SLC6A17: variants seen among roughly 807,000 people sequenced by gnomAD.
SLC6A17 encodes the protein solute carrier family 6 member 17.
A neutral mutation model predicts 64.5 loss-of-function variants in SLC6A17; 21 were observed. The ratio of observed to expected loss-of-function variants is 0.33; its 90% CI spans 0.23 to 0.47. SLC6A17 has a LOEUF of 0.47. Ranked by LOEUF, SLC6A17 falls within the 20% of genes least tolerant of loss-of-function variation. The pLI, the probability that SLC6A17 is intolerant of heterozygous loss-of-function variation, is 1.00. For missense variants in SLC6A17, 682 were observed against 963.2 expected, an observed-to-expected ratio of 0.71 and a Z score of 3.86; for synonymous variants, 372 against 399.5, an observed-to-expected ratio of 0.93 and a Z score of 0.82.
chr1:110,182,830 C>CTAA (rs1025054009), intron 6 of SLC6A17, among the ~76,000 whole-genome samples: 16 of 151,920 alleles, frequency 1.1e-4, no homozygotes, highest in African/African-American at 3.6e-4. Context: ...GAGGACAAAT[C>CTAA]TAATAATAAT....
chr1:110,169,722 A>G (rs930116398), intron 2 of SLC6A17, among the ~76,000 whole-genome samples: 2 of 152,324 alleles, frequency 1.3e-5, no homozygotes, highest in South Asian at 2.1e-4. Context: ...CGCTATTCGG[A>G]TGAACAACTT....
chr1:110,162,913 CAGAG>C (rs896654842), intron 1 of SLC6A17, among the ~76,000 whole-genome samples: 1 of 150,474 alleles, frequency 6.6e-6, no homozygotes, highest in Non-Finnish European at 1.5e-5. Flanking sequence ...AACTGAAGCT[CAGAG>C]AGGCTAGAAA....
At chr1:110,153,271 T>C (rs1047365511) in intron 1 of SLC6A17, among the ~76,000 whole-genome samples, 3 of 152,078 alleles carry the variant, frequency 2.0e-5, no homozygotes, top group Non-Finnish European at 2.9e-5. Flanking sequence ...CTATCCATAA[T>C]AGAATTGAAA....
intron 5 of SLC6A17, 37 bp from the exon 6 acceptor site, chr1:110,176,592 G>T: frequency 1.3e-6 from 2 of 1,593,512 alleles, no homozygotes; most frequent in Non-Finnish European, 1.7e-6. Context: ...CTGCAGGAAG[G>T]GCTCTGCCTG....
intron 1 of SLC6A17, among the ~76,000 whole-genome samples, chr1:110,153,753 A>G (rs1009744959): frequency 6.6e-6 from 1 of 152,204 alleles, no homozygotes; most frequent in African/African-American, 2.4e-5. Context: ...TAAAGCTGCT[A>G]AGATAAGCAG....
chr1:110,167,236 C>T (rs1287053008), intron 2 of SLC6A17, 21 bp downstream of exon 2: 1 of 1,595,788 alleles, frequency 6.3e-7, no homozygotes, highest in Admixed American at 1.7e-5. Flanking sequence ...GCTCTGCCTG[C>T]ATCAGGGGTC....
intron 3 of SLC6A17, 120 bp from the exon 4 acceptor site, chr1:110,173,853 T>G (rs976829520): frequency 1.4e-6 from 2 of 1,440,508 alleles, no homozygotes; most frequent in Non-Finnish European, 1.8e-6. Flanking sequence ...CCTCCTTGCC[T>G]CTCTTGAGGC....
chr1:110,170,105 GA>G (rs1656179275), intron 2 of SLC6A17, among the ~76,000 whole-genome samples: 1 of 152,152 alleles, frequency 6.6e-6, no homozygotes, highest in African/African-American at 2.4e-5. Context: ...GGCATCCATA[GA>G]AGGTGCCAAC....
At chr1:110,195,824 A>C (rs1656949879) in intron 10 of SLC6A17, 79 bp downstream of exon 10, 3 of 1,576,656 alleles carry the variant, frequency 1.9e-6, no homozygotes, top group Non-Finnish European at 1.7e-6. Context: ...CAGATCATAG[A>C]GTCACAATGG....
chr1:110,176,910 A>G (rs1167267724), intron 6 of SLC6A17, among the ~76,000 whole-genome samples, 171 bp downstream of exon 6: 4 of 152,224 alleles, frequency 2.6e-5, no homozygotes, highest in Admixed American at 6.5e-5. Flanking sequence ...CCTGCCCTCC[A>G]GGTTCCAAGG....
chr1:110,188,776 C>T (rs1405014097), intron 6 of SLC6A17, among the ~76,000 whole-genome samples: 1 of 152,226 alleles, frequency 6.6e-6, no homozygotes, highest in Non-Finnish European at 1.5e-5. Context: ...CGGATACTGC[C>T]CTTCTCCTGA....
At position 110,192,015 on chromosome 1, in the gene SLC6A17, C is replaced by T. The variant is rs1213416226; in HGVS notation, c.908C>T (p.Thr303Ile). The part of the protein sequence containing the change: ...LDPQVWREAA[T>I]QVFFALGLGF... ...CCCCAGGTGTGGCGGGAGGCAGCTA[C>T]CCAGGTCTTCTTTGCCTTGGGCCTG... The change falls in exon 7 of 12, where the codon ACC becomes ATC. Residue 303 changes from threonine to isoleucine, a missense_variant. Thr to Ile is a moderately conservative substitution (Grantham distance 89). Around this residue, in one of 3 missense-constraint regions of SLC6A17, gnomAD observed 415 missense variants for 603.8 expected, o/e 0.69. Transcript: ENST00000331565. This position sits in a 1 kb window ranked among gnomAD's most constrained non-coding sequence, Gnocchi z 4.3. 1.2e-6 allele frequency: 2 copies of T among 1,614,130 alleles called. No individual in the cohort carries two copies. Among genetic ancestry groups the T allele is most frequent in the East Asian group, 2.2e-5 (1 of 44,886 alleles).
At chr1:110,163,955 C>T (rs925668226) in intron 1 of SLC6A17, among the ~76,000 whole-genome samples, 1 of 152,132 alleles carries the variant, frequency 6.6e-6, no homozygotes, top group African/African-American at 2.4e-5. Flanking sequence ...CCAGCTTGCT[C>T]CACCCCTCCG....
rs1373187381 is a variant in SLC6A17 at position 110,174,974 on chromosome 1, G to A, written c.753+14G>A. ...TCCTCGGGGAAGGTGAGTGCTGAGG[G>A]GGGCACCCAGGACCCAAATGGGGAA... On this transcript the variant is annotated intron_variant, in intron 5 of 11. Coordinates refer to ENST00000331565, the MANE Select transcript of SLC6A17 (RefSeq NM_001010898.4). 1 of 1,608,620 alleles carries A rather than the reference G, an allele frequency of 6.2e-7. No homozygotes were observed. Among genetic ancestry groups the A allele is most frequent in the Admixed American group, 1.7e-5 (1 of 59,768 alleles).
rs775434453 is a variant in SLC6A17 at position 110,192,097 on chromosome 1, C to T, written c.990C>T (p.His330=). 3.7e-6 allele frequency: 6 copies of T among 1,614,096 alleles called. No homozygotes were observed. Among genetic ancestry groups the T allele is most frequent in the Non-Finnish European group, 5.1e-6 (6 of 1,180,050 alleles). ...ACAATAAGCAGGACAACAACTGCCACTTCGATGCCGCCCTGGTGTCCTTCA... is the reference window on the plus strand; with the variant it reads ...ACAATAAGCAGGACAACAACTGCCATTTCGATGCCGCCCTGGTGTCCTTCA... ...SSYNKQDNNC[H]FDAALVSFIN... The change falls in exon 7 of 12, where the codon CAC becomes CAT. Residue 330 remains histidine (H), a synonymous_variant. Transcript: ENST00000331565. This position sits in a 1 kb window ranked among gnomAD's most constrained non-coding sequence, Gnocchi z 4.3.
At chr1:110,185,331 T>C (rs962634238) in intron 6 of SLC6A17, among the ~76,000 whole-genome samples, 3 of 152,240 alleles carry the variant, frequency 2.0e-5, no homozygotes, top group East Asian at 3.8e-4. Flanking sequence ...GACACTGTTC[T>C]TGGGCAGCGG....
rs79334645 is a variant in SLC6A17 at position 110,191,663 on chromosome 1, C to T, written c.865-309C>T. On this transcript the variant is annotated intron_variant, in intron 6 of 11. Transcript: ENST00000331565. ...ACATGACCATATGTGATGGCCTTGA[C>T]GATGTTCCTTAGTATGATGGCTGCA... is the stretch of plus-strand genomic sequence containing the variant. Among the ~76,000 whole-genome samples, 9 of 152,280 alleles carry T rather than the reference C, an allele frequency of 5.9e-5. No homozygotes were observed. The East Asian group carries it at 9.6e-4, about 16-fold the overall frequency.
chr1:110,173,894 TGCTGGGCC>T lies in SLC6A17; in HGVS notation c.445-78_445-71del. ...TGCTGTGTTTATGGCGCTGCCGACG[TGCTGGGCC>T]TCGGGTGGAGCGTGGGGGCAGGGTG... On this transcript the variant is annotated intron_variant, in intron 3 of 11. Coordinates refer to ENST00000331565, the MANE Select transcript of SLC6A17 (RefSeq NM_001010898.4). The T allele has an allele frequency of 6.0e-6, 9 of 1,508,846 alleles. No homozygotes were observed. The Admixed American group carries it at 6.2e-5, about 10-fold the overall frequency. 93.5% of individuals were successfully genotyped at this position (1,508,846 alleles called of 1,614,324 possible).
Position 110,200,726 on chromosome 1 carries a change from CT to C in SLC6A17, c.*2286del. On this transcript the variant is annotated 3_prime_UTR_variant, in exon 12 of 12. Coordinates refer to ENST00000331565, the MANE Select transcript of SLC6A17 (RefSeq NM_001010898.4). ...TGGGCGCGCTAGTGCTCGTTGTAGCCTTTTGCTGTGTCTTCGCTGTGTGTTA... is the reference window on the plus strand; with the variant it reads ...TGGGCGCGCTAGTGCTCGTTGTAGCCTTTGCTGTGTCTTCGCTGTGTGTTA... 6.6e-6 allele frequency: 1 copy of C among 152,498 alleles called. No individual in the cohort carries two copies. The highest frequency in any genetic ancestry group is 1.5e-5 in the Non-Finnish European group (1 of 68,194). The allele number at this position is 152,498 out of a possible 1,614,324, so 9.4% of individuals were successfully genotyped here. A position where few individuals can be genotyped will look rare whatever the true frequency, so the allele number is the denominator to read the frequency against.
Sources: allele counts gnomAD v4.1 joint callset (sites outside exome capture counted in the v4.1 genomes callset), GRCh38; gene constraint gnomAD v4.1.1; regional missense constraint gnomAD v4.1.1; non-coding constraint Gnocchi (gnomAD v3.1); transcripts MANE v1.5; gene names NCBI Gene and HGNC (gene_info 2026-07-23, HGNC 2026-07-21).